Variants in CDH9 observed in about 807,000 individuals in gnomAD.
CDH9 encodes the protein cadherin-9.
A neutral mutation model predicts 70.9 loss-of-function variants in CDH9; 28 were observed. The ratio of observed to expected loss-of-function variants is 0.40; its 90% confidence interval spans 0.29 to 0.54. The LOEUF (loss-of-function observed/expected upper bound fraction) is 0.54. CDH9 is among the 20% of genes least tolerant of loss of function. The probability of loss-of-function intolerance (pLI) is 0.59; values close to 1 mark genes in which losing one functional copy is unlikely to be tolerated. For missense variants in CDH9, 874 were observed against 984.4 expected, an observed-to-expected ratio of 0.89 and a Z score of 1.50; for synonymous variants, 409 against 343.1, an observed-to-expected ratio of 1.19 and a Z score of -2.12.
At chr5:26,902,888 A>G in intron 6 of CDH9, 159 bp from the exon 7 acceptor site, 1 of 567,700 alleles carries the variant, frequency 1.8e-6, no homozygotes, top group Non-Finnish European at 3.1e-6. Context: ...TTATAAATAT[A>G]TGTTTTGCCA....
At chr5:26,934,841 A>G (rs1168892333) in intron 2 of CDH9, among the ~76,000 whole-genome samples, 1 of 152,146 alleles carries the variant, frequency 6.6e-6, no homozygotes, top group Non-Finnish European at 1.5e-5. Context: ...ATTGCTACAA[A>G]TTCTCTAAAA....
In CDH9 at chr5:27,030,980, T is replaced by C. The variant is rs190752407; in HGVS notation, c.-50+7483A>G. ...AAATATCTTCTGTAATCCTAACTTATATGCTTTCTTTTCTGCAGGCTAACA... is the reference window on the plus strand; with the variant it reads ...AAATATCTTCTGTAATCCTAACTTACATGCTTTCTTTTCTGCAGGCTAACA... On this transcript the variant is annotated intron_variant, in intron 1 of 11. Coordinates refer to ENST00000231021, the MANE Select transcript of CDH9 (RefSeq NM_016279.4). Among the ~76,000 whole-genome samples, 16 of 152,040 alleles carry C rather than the reference T, an allele frequency of 1.1e-4. No individual in the cohort carries two copies. The East Asian group carries it at 2.3e-3, about 22-fold the overall frequency.
At chr5:26,882,805 T>G (rs1444595690) in intron 11 of CDH9, among the ~76,000 whole-genome samples, 51 of 151,404 alleles carry the variant, frequency 3.4e-4, no homozygotes, top group Non-Finnish European at 1.9e-4. Context: ...TTTTCTCAAT[T>G]TTTACATTGA....
chr5:26,955,854 T>A (rs1209779606), intron 2 of CDH9, among the ~76,000 whole-genome samples: 2 of 152,182 alleles, frequency 1.3e-5, no homozygotes, highest in African/African-American at 4.8e-5. Flanking sequence ...TGCATGTTGA[T>A]CAGAGGCAGA....
intron 2 of CDH9, among the ~76,000 whole-genome samples, chr5:26,977,847 G>A (rs1742328883): frequency 6.6e-6 from 1 of 152,062 alleles, no homozygotes; most frequent in Admixed American, 6.5e-5. Flanking sequence ...TAAAATTCAA[G>A]TTCCTTTTAA....
At chr5:27,018,836 C>A (rs546213863) in intron 1 of CDH9, among the ~76,000 whole-genome samples, 19 of 151,988 alleles carry the variant, frequency 1.3e-4, no homozygotes, top group Non-Finnish European at 1.9e-4. Context: ...TCCTAGATGT[C>A]CAGCAGTCCA....
chr5:27,004,105 T>A (rs1419700876), intron 1 of CDH9, among the ~76,000 whole-genome samples: 2 of 111,904 alleles, frequency 1.8e-5, no homozygotes. Context: ...AAAGAATGCC[T>A]CTCTGAAAAA....
At chr5:26,896,844 C>CA (rs1198773617) in intron 7 of CDH9, among the ~76,000 whole-genome samples, 2 of 151,506 alleles carry the variant, frequency 1.3e-5, no homozygotes, top group African/African-American at 2.4e-5. Flanking sequence ...GAGATAGAGA[C>CA]ACAAAAAAAC....
intron 7 of CDH9, among the ~76,000 whole-genome samples, chr5:26,901,792 T>C (rs1740858701): frequency 6.6e-6 from 1 of 151,868 alleles, no homozygotes; most frequent in Admixed American, 6.6e-5. Flanking sequence ...TTCTGACATA[T>C]TTAAAACCTT....
intron 1 of CDH9, among the ~76,000 whole-genome samples, chr5:27,000,292 T>C (rs1422497972): frequency 1.3e-5 from 2 of 152,108 alleles, no homozygotes; most frequent in African/African-American, 4.8e-5. Flanking sequence ...AGTTAGTGAA[T>C]TGCAAATTAA....
intron 1 of CDH9, among the ~76,000 whole-genome samples, chr5:27,034,394 T>C (rs1743357319): frequency 6.6e-6 from 1 of 151,688 alleles, no homozygotes; most frequent in Non-Finnish European, 1.5e-5. Flanking sequence ...ATCTTGCTCA[T>C]CAAGAGAAAT....
intron 7 of CDH9, among the ~76,000 whole-genome samples, chr5:26,900,083 T>C (rs1740827538): frequency 6.6e-6 from 1 of 151,938 alleles, no homozygotes; most frequent in Admixed American, 6.6e-5. Context: ...TTTGACAACT[T>C]AGATGAGATT....
At chr5:26,951,446 G>C (rs1436927778) in intron 2 of CDH9, among the ~76,000 whole-genome samples, 2 of 151,944 alleles carry the variant, frequency 1.3e-5, no homozygotes, top group East Asian at 3.9e-4. Context: ...CCCACTTTAG[G>C]GTTGCTTTTG....
At chr5:26,882,442 C>T (rs1319944472) in intron 11 of CDH9, among the ~76,000 whole-genome samples, 1 of 151,846 alleles carries the variant, frequency 6.6e-6, no homozygotes, top group East Asian at 1.9e-4. Flanking sequence ...GTGAACTTCC[C>T]CTCATATAAT....
At chr5:26,975,083 G>A (rs943875221) in intron 2 of CDH9, among the ~76,000 whole-genome samples, 6 of 152,098 alleles carry the variant, frequency 3.9e-5, no homozygotes, top group African/African-American at 1.4e-4. Flanking sequence ...TTTGACATCT[G>A]CCCTCACTTT....
intron 2 of CDH9, among the ~76,000 whole-genome samples, chr5:26,946,363 C>G (rs1482911129): frequency 1.3e-5 from 2 of 151,974 alleles, no homozygotes; most frequent in Non-Finnish European, 2.9e-5. Context: ...TAATTTAAGT[C>G]TTATTTATAA....
chr5:26,988,551 A>G (rs576311499), intron 1 of CDH9, among the ~76,000 whole-genome samples, 169 bp from the exon 2 acceptor site: 62 of 152,156 alleles, frequency 4.1e-4, no homozygotes, highest in African/African-American at 1.5e-3. Flanking sequence ...TATCACATAG[A>G]TAAGTAGAAA....
chr5:26,956,550 C>G (rs751971544), intron 2 of CDH9, among the ~76,000 whole-genome samples: 16 of 152,130 alleles, frequency 1.1e-4, no homozygotes, highest in Non-Finnish European at 2.1e-4. Flanking sequence ...AAGATTTCAT[C>G]TTCAACATAT....
chr5:26,976,665 C>T (rs1742307242), intron 2 of CDH9, among the ~76,000 whole-genome samples: 1 of 152,080 alleles, frequency 6.6e-6, no homozygotes, highest in Admixed American at 6.6e-5. Flanking sequence ...GTCTTGAACT[C>T]CTGAGCTCAA....
Sources: allele counts gnomAD v4.1 joint callset (sites outside exome capture counted in the v4.1 genomes callset), GRCh38; gene constraint gnomAD v4.1.1; transcripts MANE v1.5; gene names NCBI Gene and HGNC (gene_info 2026-07-23, HGNC 2026-07-21).